The following HS3ST3A1 variants were observed in gnomAD, a reference collection of about 807,000 sequenced individuals.
The protein encoded by HS3ST3A1 is heparan sulfate glucosamine 3-O-sulfotransferase 3A1.
In HS3ST3A1, 19 loss-of-function variants were observed where a neutral mutation model predicts 25.7. The observed-to-expected ratio is 0.74, with a 90% CI of 0.52 to 1.08. HS3ST3A1 has a LOEUF of 1.08. Among genes scored for constraint, HS3ST3A1 ranks in the 50% least tolerant of loss-of-function variants. HS3ST3A1 has a pLI of 0.00. For missense variants in HS3ST3A1, 459 were observed against 594.3 expected (o/e 0.77, Z 2.37); for synonymous variants, 226 against 278.6 (o/e 0.81, Z 1.88).
intron 1 of HS3ST3A1, among the ~76,000 whole-genome samples, chr17:13,523,386 G>C (rs572957925): frequency 5.9e-5 from 9 of 152,268 alleles, no homozygotes; most frequent in African/African-American, 1.9e-4. Flanking sequence ...GGATATTTGA[G>C]AGCCCACATT....
chr17:13,533,627 G>A (rs941375911), intron 1 of HS3ST3A1, among the ~76,000 whole-genome samples: 1 of 151,836 alleles, frequency 6.6e-6, no homozygotes, highest in African/African-American at 2.4e-5. Flanking sequence ...ATTGCATCAC[G>A]ATAGAAAGAT....
At chr17:13,564,756 C>A (rs1907635234) in intron 1 of HS3ST3A1, among the ~76,000 whole-genome samples, 1 of 140,206 alleles carries the variant, frequency 7.1e-6, no homozygotes, top group Non-Finnish European at 1.5e-5. Context: ...CAGAGTCTCA[C>A]TCTGTCACCC....
At chr17:13,554,950 G>A (rs1177556302) in intron 1 of HS3ST3A1, among the ~76,000 whole-genome samples, 1 of 151,960 alleles carries the variant, frequency 6.6e-6, no homozygotes, top group African/African-American at 2.4e-5. Flanking sequence ...TGCCAAATTA[G>A]TATTCCTCAA....
At chr17:13,525,140 T>C (rs1413330217) in intron 1 of HS3ST3A1, among the ~76,000 whole-genome samples, 1 of 152,152 alleles carries the variant, frequency 6.6e-6, no homozygotes, top group Non-Finnish European at 1.5e-5. Flanking sequence ...CCTACATTTT[T>C]AAACTTATTT....
intron 1 of HS3ST3A1, among the ~76,000 whole-genome samples, chr17:13,585,990 G>T (rs959611845): frequency 1.2e-4 from 18 of 151,138 alleles, no homozygotes; most frequent in African/African-American, 4.1e-4. Context: ...CTGGGACTAC[G>T]GGCGCGGACT....
chr17:13,567,010 C>T (rs113096373), intron 1 of HS3ST3A1, among the ~76,000 whole-genome samples: 1 of 152,168 alleles, frequency 6.6e-6, no homozygotes, highest in Non-Finnish European at 1.5e-5. Flanking sequence ...GAAGAAGATG[C>T]CATGTAGGAA....
intron 1 of HS3ST3A1, among the ~76,000 whole-genome samples, chr17:13,600,025 T>TAG (rs1162401751): frequency 6.6e-6 from 1 of 152,170 alleles, no homozygotes; most frequent in Non-Finnish European, 1.5e-5. Context: ...TCTTGACACT[T>TAG]TTACTAAGTC....
chr17:13,551,084 G>T lies in HS3ST3A1; in HGVS notation c.599+49447C>A, dbSNP rs1401922062. 8.8e-5 allele frequency among the ~76,000 whole-genome samples: 9 copies of T among 102,600 alleles called. No individual in the cohort carries two copies. In the Admixed American group the frequency reaches 9.2e-4, roughly 11 times the overall value. 67.3% of individuals were successfully genotyped at this position (102,600 alleles called of 152,430 possible). A position where few individuals can be genotyped will look rare whatever the true frequency, so the allele number is the denominator to read the frequency against. The stretch of plus-strand genomic sequence containing the variant: ...TCTGTCTCAAAAAAAAAAAAAAAAT[G>T]AAATCAATTCAAAAAAATCTATAAC... On this transcript the variant is annotated intron_variant, in intron 1 of 1. Coordinates refer to ENST00000284110, the MANE Select transcript of HS3ST3A1 (RefSeq NM_006042.3).
intron 1 of HS3ST3A1, among the ~76,000 whole-genome samples, chr17:13,512,620 G>A (rs916568838): frequency 1.3e-5 from 2 of 152,106 alleles, no homozygotes; most frequent in Non-Finnish European, 2.9e-5. Context: ...GAGATCACGT[G>A]GCCTGCAAAA....
At chr17:13,519,116 A>G (rs1906143843) in intron 1 of HS3ST3A1, among the ~76,000 whole-genome samples, 1 of 152,220 alleles carries the variant, frequency 6.6e-6, no homozygotes, top group Non-Finnish European at 1.5e-5. Flanking sequence ...ACTTCCATAC[A>G]CTGAAAGTAT....
rs1405496583 is a variant in HS3ST3A1, at chr17:13,601,337, C to T, written c.-208G>A. 1 of 497,836 alleles carries T rather than the reference C, an allele frequency of 2.0e-6. No individual in the cohort carries two copies. The highest frequency in any genetic ancestry group is 3.3e-5 in the South Asian group (1 of 30,742). The allele number at this position is 497,836 out of a possible 1,614,324, so 30.8% of individuals were successfully genotyped here. A position where few individuals can be genotyped will look rare whatever the true frequency, so the allele number is the denominator to read the frequency against. On this transcript the variant is annotated 5_prime_UTR_variant, in exon 1 of 2. Coordinates refer to ENST00000284110, the MANE Select transcript of HS3ST3A1 (RefSeq NM_006042.3). ...GGGGCCCCGCGCAGGATCCCTGCCTCCAGTCGAGGGAGCGGGAAGGGGAAC... is the reference window on the plus strand; with the variant it reads ...GGGGCCCCGCGCAGGATCCCTGCCTTCAGTCGAGGGAGCGGGAAGGGGAAC...
At chr17:13,560,563 G>A (rs543765906) in intron 1 of HS3ST3A1, among the ~76,000 whole-genome samples, 11 of 152,118 alleles carry the variant, frequency 7.2e-5, no homozygotes, top group Admixed American at 2.0e-4. Flanking sequence ...TTATTACAGC[G>A]TGTGTCTGGA....
At position 13,601,250 on chromosome 17, in the gene HS3ST3A1, T is replaced by A; in HGVS notation, c.-121A>T. The A allele has an allele frequency of 1.4e-6, 1 of 730,726 alleles. No homozygotes were observed. Among genetic ancestry groups the A allele is most frequent in the Non-Finnish European group, 2.1e-6 (1 of 484,928 alleles). The allele number at this position is 730,726 out of a possible 1,614,324, so 45.3% of individuals were successfully genotyped here. ...CGGAGGCCACATCGCCGTGCGCCCC[T>A]GTGGCCGTGCGAACTGTCCCGGGAG... On this transcript the variant is annotated 5_prime_UTR_variant, in exon 1 of 2. Coordinates refer to ENST00000284110, the MANE Select transcript of HS3ST3A1 (RefSeq NM_006042.3).
intron 1 of HS3ST3A1, among the ~76,000 whole-genome samples, chr17:13,555,616 C>A (rs1361030192): frequency 2.0e-5 from 3 of 152,216 alleles, no homozygotes; most frequent in Admixed American, 6.5e-5. Context: ...AGCTTACTTA[C>A]ACGTGGAGTT....
At chr17:13,552,598 A>T (rs2142357774) in intron 1 of HS3ST3A1, among the ~76,000 whole-genome samples, 1 of 152,334 alleles carries the variant, frequency 6.6e-6, no homozygotes, top group East Asian at 1.9e-4. Flanking sequence ...AAGTTTACTT[A>T]TAAAGAGAAT....
intron 1 of HS3ST3A1, among the ~76,000 whole-genome samples, chr17:13,551,973 A>G (rs1907258176): frequency 6.6e-6 from 1 of 152,212 alleles, no homozygotes; most frequent in Admixed American, 6.5e-5. Flanking sequence ...TCCTCTTTCT[A>G]TTCCCACCTG....
intron 1 of HS3ST3A1, among the ~76,000 whole-genome samples, chr17:13,532,789 GT>G (rs1416215722): frequency 6.6e-6 from 1 of 151,776 alleles, no homozygotes; most frequent in East Asian, 2.0e-4. Flanking sequence ...AGGTTCTGGT[GT>G]TTTTTATCAT....
intron 1 of HS3ST3A1, among the ~76,000 whole-genome samples, chr17:13,510,873 T>C (rs1905838914): frequency 6.6e-6 from 1 of 152,178 alleles, no homozygotes; most frequent in East Asian, 1.9e-4. Flanking sequence ...TCCTTGATTT[T>C]GAACAGGAGA....
chr17:13,500,924 A>G (rs908972181), intron 1 of HS3ST3A1, among the ~76,000 whole-genome samples: 20 of 152,382 alleles, frequency 1.3e-4, no homozygotes, highest in Admixed American at 1.2e-3. Context: ...TATGCATACA[A>G]TGGAATACTA....
Sources: gnomAD v4.1 joint callset for allele counts (sites outside exome capture counted in the v4.1 genomes callset) on GRCh38, gnomAD v4.1.1 for gene constraint, MANE v1.5 for transcripts, NCBI Gene and HGNC (gene_info 2026-07-23, HGNC 2026-07-21) for gene names.